ZNF804A: variants seen among roughly 807,000 people sequenced by gnomAD.
The protein encoded by ZNF804A is zinc finger protein 804A.
Under a neutral mutation model 16.5 loss-of-function variants are expected in ZNF804A, and 2 were observed. The ratio of observed to expected loss-of-function variants is 0.12; its 90% CI spans 0.05 to 0.38. The LOEUF is 0.38. Ranked by LOEUF, ZNF804A falls within the 10% of genes least tolerant of loss-of-function variation. ZNF804A has a pLI of 0.99. For synonymous variants in ZNF804A, 534 were observed against 489.6 expected (o/e 1.09, Z -1.20); for missense variants, 1,473 against 1,390.7 (o/e 1.06, Z -0.94).
intron 1 of ZNF804A, among the ~76,000 whole-genome samples, chr2:184,784,327 A>G (rs1344579363): frequency 6.6e-6 from 1 of 151,932 alleles, no homozygotes; most frequent in Non-Finnish European, 1.5e-5. Context: ...ATATTTATCT[A>G]TCTATTAATA....
chr2:184,916,353 T>G (rs764093107), intron 2 of ZNF804A, among the ~76,000 whole-genome samples: 23 of 152,180 alleles, frequency 1.5e-4, no homozygotes, highest in Non-Finnish European at 3.2e-4. Context: ...ATATATTTTA[T>G]TTCATACTAA....
chr2:184,832,092 C>G (rs1483400609), intron 1 of ZNF804A, among the ~76,000 whole-genome samples: 1 of 152,002 alleles, frequency 6.6e-6, no homozygotes, highest in African/African-American at 2.4e-5. Context: ...TCAAAGTATA[C>G]TTGGCTTTAC....
At chr2:184,881,938 T>C (rs1047659498) in intron 2 of ZNF804A, among the ~76,000 whole-genome samples, 1 of 151,942 alleles carries the variant, frequency 6.6e-6, no homozygotes, top group Non-Finnish European at 1.5e-5. Context: ...TCTTCACATA[T>C]CAATACTACC....
At chr2:184,650,725 A>G (rs1250109695) in intron 1 of ZNF804A, among the ~76,000 whole-genome samples, 1 of 152,024 alleles carries the variant, frequency 6.6e-6, no homozygotes, top group African/African-American at 2.4e-5. Context: ...CCAAACAAAA[A>G]CCTAGGAATA....
Position 184,750,441 on chromosome 2 carries a change from T to A in ZNF804A, c.112-115928T>A, listed in dbSNP as rs1041762342. Among the ~76,000 whole-genome samples the A allele has an allele frequency of 1.1e-4, 16 of 151,530 alleles. No individual in the cohort carries two copies. In the South Asian group the frequency reaches 2.5e-3, roughly 24 times the overall value. On this transcript the variant is annotated intron_variant, in intron 1 of 3. Coordinates refer to ENST00000302277, the MANE Select transcript of ZNF804A (RefSeq NM_194250.2). ...ATTCATAATGAATTGCCATTGGAAA[T>A]ATTGATCAGGAAAGTCAAATCCTGG... is the stretch of plus-strand genomic sequence containing the variant.
intron 1 of ZNF804A, among the ~76,000 whole-genome samples, chr2:184,663,538 A>C (rs987835055): frequency 6.6e-6 from 1 of 152,102 alleles, no homozygotes; most frequent in Non-Finnish European, 1.5e-5. Flanking sequence ...TGGCAGTAGG[A>C]GGCAGACAGA....
chr2:184,655,088 C>T (rs958868414), intron 1 of ZNF804A, among the ~76,000 whole-genome samples: 9 of 152,156 alleles, frequency 5.9e-5, no homozygotes, highest in East Asian at 1.9e-4. Context: ...TTAATAATTA[C>T]GCAAGAGTTA....
intron 1 of ZNF804A, among the ~76,000 whole-genome samples, chr2:184,795,950 CT>C (rs142809575): frequency 1.3e-5 from 2 of 148,234 alleles, no homozygotes; most frequent in African/African-American, 2.5e-5. Context: ...ATGTCGAATG[CT>C]TTTTTTTTAC....
intron 1 of ZNF804A, among the ~76,000 whole-genome samples, chr2:184,850,304 A>T (rs1421847406): frequency 6.6e-6 from 1 of 151,902 alleles, no homozygotes; most frequent in South Asian, 2.1e-4. Flanking sequence ...GTTAGACATT[A>T]TATGCCTATA....
In ZNF804A at chr2:184,641,283, A is replaced by G. The variant is rs573874615; in HGVS notation, c.111+42213A>G. ...TTAATATTGTACAAATTGCTAATAT[A>G]AAGCTAAACAACTGATATATGGAGC... is the stretch of plus-strand genomic sequence containing the variant. On this transcript the variant is annotated intron_variant, in intron 1 of 3. Transcript: ENST00000302277. Among the ~76,000 whole-genome samples the G allele has an allele frequency of 1.1e-4, 16 of 152,290 alleles. No individual in the cohort carries two copies. In the South Asian group the frequency reaches 2.5e-3, roughly 24 times the overall value.
At chr2:184,663,950 G>A (rs1360861680) in intron 1 of ZNF804A, among the ~76,000 whole-genome samples, 1 of 152,184 alleles carries the variant, frequency 6.6e-6, no homozygotes, top group African/African-American at 2.4e-5. Flanking sequence ...TGCTGACAAG[G>A]AAACTTCCCA....
chr2:184,606,832 T>TAC (rs10645645), intron 1 of ZNF804A, among the ~76,000 whole-genome samples: 69,274 of 149,248 alleles, frequency 0.46, 16,144 homozygotes, highest in African/African-American at 0.55. Context: ...TAGGTGTGTC[T>TAC]ACACACACAC....
chr2:184,620,055 A>T (rs1452401544), intron 1 of ZNF804A, among the ~76,000 whole-genome samples: 1 of 151,826 alleles, frequency 6.6e-6, no homozygotes, highest in Non-Finnish European at 1.5e-5. Flanking sequence ...ATTATATATG[A>T]TATCAGATTA....
intron 1 of ZNF804A, among the ~76,000 whole-genome samples, chr2:184,863,017 G>T (rs901081615): frequency 6.6e-6 from 1 of 152,050 alleles, no homozygotes; most frequent in African/African-American, 2.4e-5. Context: ...GTGATATAAA[G>T]CTAGGAAGAC....
intron 1 of ZNF804A, among the ~76,000 whole-genome samples, chr2:184,657,609 A>G (rs2105704221): frequency 1.3e-5 from 2 of 152,318 alleles, no homozygotes; most frequent in Middle Eastern, 6.8e-3. Context: ...GGTGTATGTC[A>G]AGAAACCTGA....
intron 1 of ZNF804A, 57 bp downstream of exon 1, chr2:184,599,127 A>G: frequency 7.3e-7 from 1 of 1,368,066 alleles, no homozygotes; most frequent in Non-Finnish European, 1.0e-6. Context: ...CATTTGGAAG[A>G]TTGAGTTTTT....
At chr2:184,759,066 A>T (rs1694001509) in intron 1 of ZNF804A, among the ~76,000 whole-genome samples, 1 of 151,486 alleles carries the variant, frequency 6.6e-6, no homozygotes, top group Admixed American at 6.6e-5. Context: ...TATATGTAAT[A>T]TGTAAGCTGT....
intron 1 of ZNF804A, among the ~76,000 whole-genome samples, chr2:184,623,119 A>T (rs2105681260): frequency 6.6e-6 from 1 of 152,216 alleles, no homozygotes; most frequent in African/African-American, 2.4e-5. Flanking sequence ...AAAATGTCTG[A>T]ATATTATCAG....
intron 2 of ZNF804A, among the ~76,000 whole-genome samples, chr2:184,886,154 G>A (rs1221953932): frequency 6.6e-6 from 1 of 152,126 alleles, no homozygotes; most frequent in Non-Finnish European, 1.5e-5. Flanking sequence ...ATTCCAAATG[G>A]GAGAAATTGG....
Sources: gnomAD v4.1 joint callset for allele counts (sites outside exome capture counted in the v4.1 genomes callset) on GRCh38, gnomAD v4.1.1 for gene constraint, MANE v1.5 for transcripts, NCBI Gene and HGNC (gene_info 2026-07-23, HGNC 2026-07-21) for gene names.